The following LAMA1 variants were observed in gnomAD, a reference collection of about 807,000 sequenced individuals.
LAMA1 encodes laminin subunit alpha-1.
Under a neutral mutation model 348.7 loss-of-function variants are expected in LAMA1, and 219 were observed. The ratio of observed to expected loss-of-function variants is 0.63; its 90% CI spans 0.56 to 0.70. The LOEUF (loss-of-function observed/expected upper bound fraction) is 0.70, where lower values mean the gene tolerates loss of function less well. LAMA1 is among the 30% of genes least tolerant of loss of function. The pLI is 0.00. For synonymous variants in LAMA1, 1,487 were observed against 1,491.0 expected (o/e 1.00, Z 0.06); for missense variants, 3,744 against 3,888.0 (o/e 0.96, Z 0.99).
At chr18:6,992,263 C>T (rs2057762138) in intron 36 of LAMA1, among the ~76,000 whole-genome samples, 1 of 152,284 alleles carries the variant, frequency 6.6e-6, no homozygotes, top group East Asian at 1.9e-4. Context: ...TCTACAGTAC[C>T]ATGAGGCTAT....
At chr18:7,060,893 T>C (rs1014788802) in intron 3 of LAMA1, among the ~76,000 whole-genome samples, 2 of 152,158 alleles carry the variant, frequency 1.3e-5, no homozygotes, top group Non-Finnish European at 2.9e-5. Flanking sequence ...TGGTGGCTCA[T>C]GCCTGTAATC....
chr18:7,088,917 G>A (rs928390956), intron 1 of LAMA1, among the ~76,000 whole-genome samples: 1 of 152,136 alleles, frequency 6.6e-6, no homozygotes, highest in Non-Finnish European at 1.5e-5. Flanking sequence ...TGAGGCAAGA[G>A]GATCGCTTGA....
chr18:7,015,095 AC>A (rs1323056323), intron 22 of LAMA1, among the ~76,000 whole-genome samples: 5 of 152,020 alleles, frequency 3.3e-5, no homozygotes, highest in Admixed American at 3.3e-4. Context: ...TGATCTGCCC[AC>A]CTCGGTCTCC....
At chr18:6,984,192 C>G (rs1481712941) in intron 39 of LAMA1, among the ~76,000 whole-genome samples, 1 of 152,128 alleles carries the variant, frequency 6.6e-6, no homozygotes, top group African/African-American at 2.4e-5. Flanking sequence ...AAGCAGTACT[C>G]AATTTAGCGC....
At chr18:7,058,918 T>A (rs1449397610) in intron 3 of LAMA1, among the ~76,000 whole-genome samples, 1 of 152,170 alleles carries the variant, frequency 6.6e-6, no homozygotes, top group African/African-American at 2.4e-5. Context: ...AGACAAAGTT[T>A]CTCTCTTGTT....
At chr18:7,057,787 T>A (rs1427970672) in intron 3 of LAMA1, among the ~76,000 whole-genome samples, 14 of 139,942 alleles carry the variant, frequency 1.0e-4, no homozygotes, top group Admixed American at 9.9e-4. Context: ...CCCAAAATTC[T>A]TTCTTTCTTT....
chr18:7,067,466 A>G lies in LAMA1; in HGVS notation c.345+12509T>C, dbSNP rs932019198. Among the ~76,000 whole-genome samples, 15 of 122,044 alleles carry G rather than the reference A, an allele frequency of 1.2e-4. 1 individual carries two copies. The Middle Eastern group carries it at 0.019, about 156-fold the overall frequency. 80.1% of individuals were successfully genotyped at this position (122,044 alleles called of 152,430 possible). On this transcript the variant is annotated intron_variant, in intron 3 of 62. Coordinates refer to ENST00000389658, the MANE Select transcript of LAMA1 (RefSeq NM_005559.4). The stretch of plus-strand genomic sequence containing the variant: ...TCATCTCACAGGCAAAACTCTTCCA[A>G]AGTGAAAAAAAAAAAAAATTCAGGA...
intron 1 of LAMA1, among the ~76,000 whole-genome samples, chr18:7,116,579 G>A (rs2058357376): frequency 6.6e-6 from 1 of 152,038 alleles, no homozygotes; most frequent in Admixed American, 6.5e-5. Context: ...TGCAAATTCC[G>A]CCCACTACTT....
chr18:7,077,385 T>C (rs1232761298), intron 3 of LAMA1, among the ~76,000 whole-genome samples: 3 of 151,950 alleles, frequency 2.0e-5, no homozygotes, highest in African/African-American at 7.3e-5. Context: ...TGTATCTTTT[T>C]TAGTAGAGAC....
At chr18:7,041,650 G>C (rs2058021128) in intron 9 of LAMA1, among the ~76,000 whole-genome samples, 1 of 152,218 alleles carries the variant, frequency 6.6e-6, no homozygotes, top group African/African-American at 2.4e-5. Flanking sequence ...GGGAGGACTT[G>C]CTTGATCTGT....
At position 7,049,245 on chromosome 18, in the gene LAMA1, G is replaced by C. The variant is rs778847517; in HGVS notation, c.601C>G (p.Leu201Val). The part of the protein sequence containing the change: ...PLEHGEIHTS[L>V]INGRPSADDL... ...TCAGCGCTTGGTCTGCCATTGATGA[G>C]TGATGTATGAATCTGAAGATGAAGG... is the stretch of plus-strand genomic sequence containing the variant. Residue 201 changes from leucine to valine, a missense_variant, in exon 5 of 63, where the codon CTC becomes GTC. Leu to Val is a conservative substitution (Grantham distance 32). This residue lies in a region of LAMA1 where 1,529 missense variants were observed against 1,689.4 expected (regional missense o/e 0.91). Transcript: ENST00000389658. 3 of 1,613,854 alleles carry C rather than the reference G, an allele frequency of 1.9e-6. No homozygotes were observed. The Admixed American group carries it at 5.0e-5, about 27-fold the overall frequency.
chr18:6,963,415 T>C (rs760152233), intron 51 of LAMA1, among the ~76,000 whole-genome samples: 16 of 152,186 alleles, frequency 1.1e-4, no homozygotes, highest in East Asian at 1.9e-4. Flanking sequence ...ACTTCGCAAG[T>C]GACCAACTCC....
At chr18:7,073,834 G>T (rs1294993322) in intron 3 of LAMA1, among the ~76,000 whole-genome samples, 3 of 133,610 alleles carry the variant, frequency 2.2e-5, no homozygotes, top group Non-Finnish European at 4.9e-5. Flanking sequence ...GTGTGTGTGT[G>T]TGTGTGTGTG....
Position 6,958,471 on chromosome 18 carries a change from A to G in LAMA1, c.7964+6T>C. 1.9e-6 allele frequency: 3 copies of G among 1,614,176 alleles called. No homozygotes were observed. The highest frequency in any genetic ancestry group is 1.7e-5 in the Admixed American group (1 of 60,026). ...GCAAGAACATGCAGAGAGCAGGTAC[A>G]CTTACTCCAAATTGAAGATCAGGTT... On this transcript the variant is annotated splice_donor_region_variant and intron_variant, in intron 55 of 62. Transcript: ENST00000389658.
intron 54 of LAMA1, 99 bp downstream of exon 54, chr18:6,959,242 A>T: frequency 1.3e-6 from 2 of 1,488,534 alleles, no homozygotes; most frequent in East Asian, 4.5e-5. Context: ...CGATGACCCC[A>T]GTCATCTAGC....
At position 6,975,026 on chromosome 18, in the gene LAMA1, A is replaced by G; in HGVS notation, c.6500T>C (p.Leu2167Pro). The G allele has an allele frequency of 6.2e-7, 1 of 1,613,922 alleles. No homozygotes were observed. Among genetic ancestry groups the G allele is most frequent in the Non-Finnish European group, 8.5e-7 (1 of 1,179,930 alleles). ...YLGSSTASDF[L>P]AVEMRRGRVA... Reference sequence around the variant, plus strand: ...TCTCCCTCGCCGCATCTCCACTGCAAGGAAATCAGACTGGGGGGCGAGGAA... The same window carrying G: ...TCTCCCTCGCCGCATCTCCACTGCAGGGAAATCAGACTGGGGGGCGAGGAA... Residue 2167 changes from leucine to proline, a missense_variant, in exon 46 of 63, where the codon CTT (leucine) becomes CCT (proline). By Grantham distance (98) the Leu-to-Pro change is moderately conservative. Coordinates refer to ENST00000389658, the MANE Select transcript of LAMA1 (RefSeq NM_005559.4).
In LAMA1 at chr18:7,044,708, C is replaced by T; in HGVS notation, c.976+14G>A. 1 of 1,596,294 alleles carries T rather than the reference C, an allele frequency of 6.3e-7. No homozygotes were observed. Among genetic ancestry groups the T allele is most frequent in the Middle Eastern group, 1.7e-4 (1 of 6,032 alleles). On this transcript the variant is annotated intron_variant, in intron 7 of 62. Coordinates refer to ENST00000389658, the MANE Select transcript of LAMA1 (RefSeq NM_005559.4). ...GGAAAACTGTACTGACCTTCAGATT[C>T]TAAGTATACTGACCTTCACATGTAT...
chr18:6,944,628 C>A (rs377525969), intron 61 of LAMA1, among the ~76,000 whole-genome samples: 1 of 152,136 alleles, frequency 6.6e-6, no homozygotes, highest in Non-Finnish European at 1.5e-5. Flanking sequence ...AGAGGGAAGA[C>A]CATGTGAGAA....
intron 1 of LAMA1, among the ~76,000 whole-genome samples, chr18:7,086,463 C>T (rs890436439): frequency 3.5e-4 from 53 of 152,270 alleles, no homozygotes; most frequent in African/African-American, 1.3e-3. Context: ...ATTCATCCTT[C>T]CAGCCAAGTC....
Sources: gnomAD v4.1 joint callset for allele counts (sites outside exome capture counted in the v4.1 genomes callset) on GRCh38, gnomAD v4.1.1 for gene constraint, gnomAD v4.1.1 regional missense constraint, MANE v1.5 for transcripts, NCBI Gene and HGNC (gene_info 2026-07-23, HGNC 2026-07-21) for gene names.